Variants in KLF13 observed in about 807,000 individuals in gnomAD.
KLF13 encodes the protein KLF transcription factor 13.
A neutral mutation model predicts 16.7 loss-of-function variants in KLF13; 8 were observed. The ratio of observed to expected loss-of-function variants is 0.48; its 90% CI spans 0.28 to 0.87. The LOEUF is 0.87. Ranked by LOEUF, KLF13 falls within the 40% of genes least tolerant of loss-of-function variation. The pLI is 0.10. For missense variants in KLF13, 447 were observed against 452.2 expected (o/e 0.99, Z 0.10); for synonymous variants, 245 against 208.4 (o/e 1.18, Z -1.51).
intron 1 of KLF13, among the ~76,000 whole-genome samples, chr15:31,384,031 T>C (rs1215414361): frequency 6.6e-6 from 1 of 152,244 alleles, no homozygotes; most frequent in Admixed American, 6.5e-5. Flanking sequence ...ACCCAATCTA[T>C]TATTAAGTGA....
intron 1 of KLF13, among the ~76,000 whole-genome samples, chr15:31,361,475 C>G (rs753238749): frequency 6.6e-6 from 1 of 152,134 alleles, no homozygotes; most frequent in Admixed American, 6.5e-5. Flanking sequence ...AAAGAGTGTA[C>G]ATGCAGCTGT....
upstream of KLF13, among the ~76,000 whole-genome samples, chr15:31,389,803 A>C (rs1016004957): frequency 6.6e-6 from 1 of 152,156 alleles, no homozygotes; most frequent in Non-Finnish European, 1.5e-5. Flanking sequence ...TCACTGTTAC[A>C]TGTTACTCAC....
intron 1 of KLF13, chr15:31,420,678 G>T: frequency 3.1e-6 from 1 of 323,334 alleles, no homozygotes; most frequent in Non-Finnish European, 5.9e-6. Context: ...TGCCCAGACT[G>T]TCCTTTTTTT....
chr15:31,433,760 C>T (rs2040498915), intron 1 of KLF13, among the ~76,000 whole-genome samples: 1 of 151,724 alleles, frequency 6.6e-6, no homozygotes. Flanking sequence ...GCAGTGGTGC[C>T]CCTGTGTGGG....
At chr15:31,429,744 TTTA>T (rs1368661543) in intron 1 of KLF13, among the ~76,000 whole-genome samples, 11 of 115,888 alleles carry the variant, frequency 9.5e-5, no homozygotes, top group Non-Finnish European at 1.9e-5. Context: ...TATTTATTTA[TTTA>T]TTTTGAGATG....
rs2040362383 is a variant in KLF13, at chr15:31,423,164, T to TGTATATATATATAC, written n.118-12195_118-12194insTACGTATATATATA. Among the ~76,000 whole-genome samples, 2 of 25,356 alleles carry TGTATATATATATAC rather than the reference T, an allele frequency of 7.9e-5. 1 individual carries two copies. The highest frequency in any genetic ancestry group is 7.2e-4 in the African/African-American group (2 of 2,792). 16.6% of individuals were successfully genotyped at this position (25,356 alleles called of 152,430 possible). A position where few individuals can be genotyped will look rare whatever the true frequency, so the allele number is the denominator to read the frequency against. On this transcript the variant is annotated intron_variant and non_coding_transcript_variant, in intron 1 of 1. Coordinates refer to the KLF13 transcript ENST00000558225. ...GTATACGTATATATACGTATATATATGTATATATATACATATATACGTATA... is the reference window on the plus strand; with the variant it reads ...GTATACGTATATATACGTATATATATGTATATATATATACGTATATATATACATATATACGTATA...
rs758133706 is a variant in KLF13, at chr15:31,332,604, AC to A, written c.577+4816del. The stretch of plus-strand genomic sequence containing the variant: ...ACCAGTAGCCTGTGTCTGGGGCTTC[AC>A]ATGTCTGGAACACAGCAGAGATGGG... On this transcript the variant is annotated intron_variant, in intron 1 of 1. Coordinates refer to ENST00000307145, the MANE Select transcript of KLF13 (RefSeq NM_015995.4). Among the ~76,000 whole-genome samples the A allele has an allele frequency of 2.0e-5, 3 of 152,206 alleles. No homozygotes were observed. In the South Asian group the frequency reaches 6.2e-4, roughly 32 times the overall value.
Position 31,354,082 on chromosome 15 carries a change from T to C in KLF13, c.578-17928T>C, listed in dbSNP as rs1268933990. On this transcript the variant is annotated intron_variant, in intron 1 of 1. Transcript: ENST00000307145. The stretch of plus-strand genomic sequence containing the variant: ...CGTCAGTGTGGAGGCCTCAGGCCTA[T>C]CCAATCCCTACCCAGCTTGGCCCCA... Among the ~76,000 whole-genome samples the C allele has an allele frequency of 1.3e-5, 2 of 152,188 alleles. 1 individual carries two copies. Among genetic ancestry groups the C allele is most frequent in the Admixed American group, 1.3e-4 (2 of 15,280 alleles).
intron 1 of KLF13, among the ~76,000 whole-genome samples, chr15:31,342,372 C>T (rs879621227): frequency 1.9e-4 from 29 of 152,332 alleles, no homozygotes; most frequent in African/African-American, 5.8e-4. Context: ...CTCCCAGGGA[C>T]GCAGTGCCCT....
intron 1 of KLF13, among the ~76,000 whole-genome samples, chr15:31,413,380 T>C (rs1382853565): frequency 6.6e-6 from 1 of 152,040 alleles, no homozygotes; most frequent in Non-Finnish European, 1.5e-5. Context: ...GAAAGGTCAA[T>C]CAACTCCAAA....
At chr15:31,355,238 C>T (rs566305529) in intron 1 of KLF13, among the ~76,000 whole-genome samples, 1 of 152,286 alleles carries the variant, frequency 6.6e-6, no homozygotes, top group South Asian at 2.1e-4. Context: ...TGGACGGTCC[C>T]TCACCTCCCC....
intron 1 of KLF13, among the ~76,000 whole-genome samples, chr15:31,433,023 G>C (rs545269325): frequency 1.3e-5 from 2 of 152,160 alleles, no homozygotes; most frequent in African/African-American, 4.8e-5. Context: ...CAGCCTGGGC[G>C]ACAGAGCGAG....
exon 3 of KLF13, chr15:31,403,797 A>T (rs2040074846): frequency 6.6e-6 from 1 of 152,206 alleles, no homozygotes; most frequent in South Asian, 2.1e-4. Context: ...TTCAACCCAT[A>T]GTCAGAGATA....
rs764027504 is a variant in KLF13 at position 31,372,717 on chromosome 15, G to T, written c.*418G>T. ...CGTCTGGCTGGCTGGCCAGCCTGTG[G>T]GTCTGTTGGGAGCAGATGTGCTCAC... On this transcript the variant is annotated 3_prime_UTR_variant, in exon 2 of 2. Transcript: ENST00000307145. 2.9e-5 allele frequency: 5 copies of T among 170,468 alleles called. No homozygotes were observed. Among genetic ancestry groups the T allele is most frequent in the Non-Finnish European group, 6.2e-5 (5 of 80,526 alleles). 10.6% of individuals were successfully genotyped at this position (170,468 alleles called of 1,614,324 possible).
chr15:31,416,423 A>G (rs1182957072), intron 1 of KLF13, among the ~76,000 whole-genome samples: 1 of 152,180 alleles, frequency 6.6e-6, no homozygotes, highest in African/African-American at 2.4e-5. Flanking sequence ...AAATTCAGCA[A>G]TATATAAAAA....
chr15:31,364,261 T>C (rs983534176), intron 1 of KLF13, among the ~76,000 whole-genome samples: 1 of 152,198 alleles, frequency 6.6e-6, no homozygotes, highest in Non-Finnish European at 1.5e-5. Context: ...TTAAAAAATA[T>C]CTTCGCAAGC....
intron 1 of KLF13, among the ~76,000 whole-genome samples, chr15:31,413,664 A>AAAAAC (rs769609949): frequency 2.6e-5 from 4 of 152,214 alleles, no homozygotes; most frequent in African/African-American, 7.2e-5. Flanking sequence ...GCTTAGGTTA[A>AAAAAC]AAAACAAAAC....
intron 1 of KLF13, among the ~76,000 whole-genome samples, chr15:31,413,621 T>C (rs1319299143): frequency 1.3e-5 from 2 of 152,142 alleles, no homozygotes; most frequent in Non-Finnish European, 2.9e-5. Flanking sequence ...ACATCACAGC[T>C]ATATTTGAAA....
chr15:31,413,107 G>C (rs1450044804), intron 1 of KLF13, among the ~76,000 whole-genome samples: 1 of 149,768 alleles, frequency 6.7e-6, no homozygotes, highest in East Asian at 2.0e-4. Flanking sequence ...TCTGGATGTG[G>C]CCAGAGACAG....
Sources: allele counts gnomAD v4.1 joint callset (sites outside exome capture counted in the v4.1 genomes callset), GRCh38; gene constraint gnomAD v4.1.1; transcripts MANE v1.5; gene names NCBI Gene and HGNC (gene_info 2026-07-23, HGNC 2026-07-21).